The following PCED1B variants were observed in gnomAD, a reference collection of about 807,000 sequenced individuals.
PCED1B encodes PC-esterase domain-containing protein 1B.
For synonymous variants in PCED1B, 251 were observed against 246.1 expected (o/e 1.02, Z -0.19); for missense variants, 573 against 573.9 (o/e 1.00, Z 0.02).
At chr12:47,105,064 G>T (rs1009357388) in intron 2 of PCED1B, among the ~76,000 whole-genome samples, 1 of 152,178 alleles carries the variant, frequency 6.6e-6, no homozygotes. Context: ...GCCCCATTGG[G>T]AAATATCTCT....
intron 2 of PCED1B, among the ~76,000 whole-genome samples, chr12:47,202,115 G>T (rs541490833): frequency 1.2e-4 from 18 of 152,266 alleles, no homozygotes; most frequent in African/African-American, 3.6e-4. Flanking sequence ...TCACCTAGAG[G>T]ATACTTATGA....
intron 2 of PCED1B, among the ~76,000 whole-genome samples, chr12:47,121,335 T>C (rs1939671500): frequency 6.6e-6 from 1 of 152,182 alleles, no homozygotes; most frequent in African/African-American, 2.4e-5. Context: ...GAATCGTTAG[T>C]GGGTACTCAT....
chr12:47,216,978 G>A (rs1305203384), intron 3 of PCED1B, among the ~76,000 whole-genome samples: 1 of 152,208 alleles, frequency 6.6e-6, no homozygotes, highest in East Asian at 1.9e-4. Flanking sequence ...CTGCAATCTT[G>A]TATGTTGTGG....
chr12:47,148,812 A>G (rs1940886466), intron 2 of PCED1B, among the ~76,000 whole-genome samples: 1 of 152,242 alleles, frequency 6.6e-6, no homozygotes, highest in Non-Finnish European at 1.5e-5. Flanking sequence ...GGTGCAGCTG[A>G]CTAGAGTCTC....
chr12:47,167,623 G>C (rs1275510752), intron 2 of PCED1B, among the ~76,000 whole-genome samples: 1 of 152,200 alleles, frequency 6.6e-6, no homozygotes, highest in Non-Finnish European at 1.5e-5. Context: ...AATGAAGTGA[G>C]TGTCATAAAT....
At chr12:47,099,470 G>A (rs372212134) in intron 1 of PCED1B, among the ~76,000 whole-genome samples, 1 of 152,126 alleles carries the variant, frequency 6.6e-6, no homozygotes. Flanking sequence ...TATACTCACT[G>A]CTCTCACACT....
chr12:47,082,524 A>C (rs1313604769), intron 1 of PCED1B, among the ~76,000 whole-genome samples: 3 of 152,212 alleles, frequency 2.0e-5, no homozygotes, highest in Non-Finnish European at 4.4e-5. Context: ...TTTAGCTTAA[A>C]TTATTTTGAG....
chr12:47,209,205 T>C (rs1217097445), intron 2 of PCED1B: 6 of 152,242 alleles, frequency 3.9e-5, no homozygotes, highest in Non-Finnish European at 8.8e-5. Context: ...TCCTTTCCCT[T>C]TTCTGATATT....
At chr12:47,176,743 C>T (rs1941937052) in intron 2 of PCED1B, among the ~76,000 whole-genome samples, 2 of 152,090 alleles carry the variant, frequency 1.3e-5, no homozygotes, top group African/African-American at 4.8e-5. Context: ...GGACCTACTA[C>T]TTGCAATTGG....
chr12:47,149,226 C>G (rs1940901193), intron 2 of PCED1B, among the ~76,000 whole-genome samples: 1 of 152,204 alleles, frequency 6.6e-6, no homozygotes, highest in South Asian at 2.1e-4. Context: ...TCCAAATACT[C>G]TAACCCAGAG....
chr12:47,123,915 T>C (rs1939781326), intron 2 of PCED1B, among the ~76,000 whole-genome samples: 1 of 152,096 alleles, frequency 6.6e-6, no homozygotes. Context: ...AATGCATCAT[T>C]GTTTATTTAT....
chr12:47,148,564 T>G (rs1475565479), intron 2 of PCED1B, among the ~76,000 whole-genome samples: 1 of 152,176 alleles, frequency 6.6e-6, no homozygotes, highest in Non-Finnish European at 1.5e-5. Context: ...CCAGTCTTAA[T>G]GGGGGATCCA....
intron 2 of PCED1B, among the ~76,000 whole-genome samples, chr12:47,121,479 G>C (rs558888861): frequency 6.6e-6 from 1 of 152,222 alleles, no homozygotes; most frequent in East Asian, 1.9e-4. Flanking sequence ...AATGTTGGAG[G>C]CTTTCTTTTT....
chr12:47,147,145 C>G (rs1021658439), intron 2 of PCED1B, among the ~76,000 whole-genome samples: 1 of 152,030 alleles, frequency 6.6e-6, no homozygotes, highest in African/African-American at 2.4e-5. Context: ...GGACTACAGG[C>G]ATGTGTCACC....
At chr12:47,135,957 A>AT in intron 2 of PCED1B, 1 of 183,554 alleles carries the variant, frequency 5.4e-6, no homozygotes, top group Non-Finnish European at 1.2e-5. Context: ...TCCAAAAAAA[A>AT]AAAAAGATTT....
intron 2 of PCED1B, among the ~76,000 whole-genome samples, chr12:47,153,964 T>C (rs1941099815): frequency 6.6e-6 from 1 of 152,236 alleles, no homozygotes; most frequent in South Asian, 2.1e-4. Flanking sequence ...TCTCTATGTG[T>C]TTCAATATGT....
intron 1 of PCED1B, among the ~76,000 whole-genome samples, chr12:47,080,406 G>A (rs1941974229): frequency 6.6e-6 from 1 of 152,208 alleles, no homozygotes. Context: ...AAGGGCCAAG[G>A]AGGCTTTGCC....
intron 2 of PCED1B, among the ~76,000 whole-genome samples, chr12:47,142,147 A>G (rs1940617996): frequency 6.6e-6 from 1 of 152,174 alleles, no homozygotes; most frequent in African/African-American, 2.4e-5. Flanking sequence ...CCAAAAACTT[A>G]GAGACAGTTG....
Position 47,215,410 on chromosome 12 carries a change from C to T in PCED1B, c.-525-812C>T, listed in dbSNP as rs532094801. On this transcript the variant is annotated intron_variant, in intron 2 of 3. Coordinates refer to ENST00000546455, the MANE Select transcript of PCED1B (RefSeq NM_138371.3). Reference sequence around the variant, plus strand: ...CTGGGATTACAGGGGCCCACCACCACGCCCAGCTAATTTTTGTATTTTCAG... The same window carrying T: ...CTGGGATTACAGGGGCCCACCACCATGCCCAGCTAATTTTTGTATTTTCAG... Among the ~76,000 whole-genome samples, 5 of 152,096 alleles carry T rather than the reference C, an allele frequency of 3.3e-5. No individual in the cohort carries two copies. The East Asian group carries it at 7.8e-4, about 24-fold the overall frequency.
Sources: allele counts gnomAD v4.1 joint callset (sites outside exome capture counted in the v4.1 genomes callset), GRCh38; gene constraint gnomAD v4.1.1; transcripts MANE v1.5; gene names NCBI Gene and HGNC (gene_info 2026-07-23, HGNC 2026-07-21).